The following DUOX1 variants were observed in gnomAD, a reference collection of about 807,000 sequenced individuals.
DUOX1 encodes dual oxidase 1, also known as NADPH thyroid oxidase 1.
In DUOX1, 134 loss-of-function variants were observed where a neutral mutation model predicts 181.8. The observed-to-expected ratio is 0.74, with a 90% CI of 0.64 to 0.85. The LOEUF is 0.85. DUOX1 is among the 40% of genes least tolerant of loss of function. The probability of loss-of-function intolerance (pLI) is 0.00; values close to 1 mark genes in which losing one functional copy is unlikely to be tolerated. For missense variants in DUOX1, 1,814 were observed against 2,064.4 expected (o/e 0.88, Z 2.35); for synonymous variants, 798 against 832.5 (o/e 0.96, Z 0.71).
At position 45,163,663 on chromosome 15, in the gene DUOX1, G is replaced by A. The variant is rs137906500; in HGVS notation, c.4380G>A (p.Lys1460=). ...VHIYITQLAE[K]FDLRTTMLYI... is the part of the protein sequence containing the mutation. ...TCTACATCACCCAGCTGGCTGAGAA[G>A]TTCGACCTCAGGACCACTATGCTGG... The change falls in exon 32 of 34, where the codon AAG becomes AAA. Residue 1460 remains lysine, a synonymous_variant. Coordinates refer to ENST00000389037, the MANE Select transcript of DUOX1 (RefSeq NM_175940.3). The A allele has an allele frequency of 1.5e-5, 25 of 1,614,164 alleles. No homozygotes were observed. The East Asian group carries it at 5.3e-4, about 35-fold the overall frequency.
intron 29 of DUOX1, 102 bp downstream of exon 29, chr15:45,161,092 G>A: frequency 6.5e-7 from 1 of 1,537,422 alleles, no homozygotes; most frequent in Non-Finnish European, 8.8e-7. Flanking sequence ...CAGTGGAGCT[G>A]GCAGGTGCCT....
rs183478746 is a variant in DUOX1 at position 45,135,322 on chromosome 15, G to T, written c.495+31G>T. 45 of 1,560,836 alleles carry T rather than the reference G, an allele frequency of 2.9e-5. 1 individual carries two copies. The East Asian group carries it at 1.1e-3, about 38-fold the overall frequency. On this transcript the variant is annotated intron_variant, in intron 5 of 33. Coordinates refer to ENST00000389037, the MANE Select transcript of DUOX1 (RefSeq NM_175940.3). Reference sequence around the variant, plus strand: ...GCGGGGAAGGCGGCGGGAAGGGACCGCACCCCAGCCAGGTGGGACCTGGGC... The same window carrying T: ...GCGGGGAAGGCGGCGGGAAGGGACCTCACCCCAGCCAGGTGGGACCTGGGC...
rs201986406 is a variant in DUOX1, at chr15:45,142,115, A to G, written c.1822+3A>G. 48 of 1,612,808 alleles carry G rather than the reference A, an allele frequency of 3.0e-5. No individual in the cohort carries two copies. In the East Asian group the frequency reaches 1.0e-3, roughly 35 times the overall value. On this transcript the variant is annotated splice_donor_region_variant and intron_variant, in intron 15 of 33. Transcript: ENST00000389037. Reference sequence around the variant, plus strand: ...GACCCTCTGTTGCTTCCCTTTGGGTAAAATCATGGACAGAGTGGGGTGGGG... The same window carrying G: ...GACCCTCTGTTGCTTCCCTTTGGGTGAAATCATGGACAGAGTGGGGTGGGG...
At chr15:45,162,427 C>T in intron 31 of DUOX1, 50 bp downstream of exon 31, 1 of 1,589,630 alleles carries the variant, frequency 6.3e-7, no homozygotes, top group South Asian at 1.1e-5. Flanking sequence ...TCTTCCTTGT[C>T]ATGGTACCCA....
chr15:45,164,813 CT>C lies in DUOX1; in HGVS notation c.4569del (p.Gly1524AlafsTer2), dbSNP rs1160509879. On this transcript the variant is annotated frameshift_variant, in exon 34 of 34. Coordinates refer to ENST00000389037, the MANE Select transcript of DUOX1 (RefSeq NM_175940.3). LOFTEE classifies it high-confidence loss of function. Reference sequence around the variant, plus strand: ...ATCGGGGTGTTTAGCTGTGGCCCCCCTGGCATGACCAAGAATGTGGAAAAGG... The same window carrying C: ...ATCGGGGTGTTTAGCTGTGGCCCCCCGGCATGACCAAGAATGTGGAAAAGG... ...RKIGVFSCGP[P>X]GMTKNVEKAC... 2.5e-6 allele frequency: 4 copies of C among 1,614,166 alleles called. No homozygotes were observed. The highest frequency in any genetic ancestry group is 1.1e-5 in the South Asian group (1 of 91,084).
intron 31 of DUOX1, 139 bp from the exon 32 acceptor site, chr15:45,163,393 C>G (rs1466063864): frequency 7.8e-7 from 1 of 1,275,426 alleles, no homozygotes; most frequent in Non-Finnish European, 1.1e-6. Context: ...CCCCGTGGCC[C>G]ATACACTCCA....
intron 15 of DUOX1, among the ~76,000 whole-genome samples, chr15:45,142,314 G>A (rs771006516): frequency 6.6e-6 from 1 of 152,218 alleles, no homozygotes; most frequent in African/African-American, 2.4e-5. Flanking sequence ...TTGCCTCCCT[G>A]TTTTCCTGGG....
At chr15:45,152,660 A>C in intron 25 of DUOX1, 144 bp downstream of exon 25, 1 of 818,402 alleles carries the variant, frequency 1.2e-6, no homozygotes, top group Non-Finnish European at 2.0e-6. Context: ...CAGGGTGTGA[A>C]GTAAGCCCGG....
intron 33 of DUOX1, 149 bp from the exon 34 acceptor site, chr15:45,164,630 G>A (rs1269786277): frequency 4.8e-6 from 4 of 837,620 alleles, no homozygotes; most frequent in Non-Finnish European, 7.7e-6. Context: ...CACTATGCCT[G>A]GCTAATTAAA....
In DUOX1 at chr15:45,161,917, C is replaced by T. The variant is rs758627346; in HGVS notation, c.4036C>T (p.Leu1346Phe). ...GGCAGCAGGGCCCTGGACCACTCGC[C>T]TCAGGGAGATCTACTCAGCCCCGAC... ...IRAAGPWTTR[L>F]REIYSAPTGD... The change falls in exon 30 of 34, where the codon CTC (leucine) becomes TTC (phenylalanine). Residue 1346 changes from leucine to phenylalanine, a missense_variant. By Grantham distance (22) the Leu-to-Phe change is conservative. Transcript: ENST00000389037. The T allele has an allele frequency of 1.2e-5, 20 of 1,612,974 alleles. No homozygotes were observed. The highest frequency in any genetic ancestry group is 1.7e-5 in the Non-Finnish European group (20 of 1,179,662).
At position 45,163,839 on chromosome 15, in the gene DUOX1, C is replaced by A. The variant is rs80216701; in HGVS notation, c.4454C>A (p.Thr1485Lys). The A allele has an allele frequency of 1.9e-6, 3 of 1,614,144 alleles. No individual in the cohort carries two copies. The South Asian group carries it at 3.3e-5, about 18-fold the overall frequency. ...FQKVLNRSLF[T>K]GLRSITHFGR... ...AAGGTTCTGAACCGGAGTCTATTCA[C>A]AGGCCTGCGCTCCATCACCCACTTT... Residue 1485 changes from threonine (T) to lysine (K), a missense_variant, in exon 33 of 34, where the codon ACA becomes AAA. Physicochemically the swap from Thr to Lys is moderately conservative, Grantham distance 78. This residue lies in a region of DUOX1 where 124 missense variants were observed against 125.7 expected (regional missense o/e 0.99). Transcript: ENST00000389037.
intron 12 of DUOX1, among the ~76,000 whole-genome samples, chr15:45,140,236 C>A (rs923047801): frequency 2.6e-5 from 4 of 152,150 alleles, no homozygotes; most frequent in Non-Finnish European, 4.4e-5. Flanking sequence ...TTTGCCCTTA[C>A]TATTTTATAA....
Position 45,165,091 on chromosome 15 carries a change from CT to C in DUOX1, c.*191del. ...CCCCAGGACCAGGATGTGTCTCAGC[CT>C]GGAGAAATGGTGGGGGGGCAGTGTC... is the stretch of plus-strand genomic sequence containing the variant. On this transcript the variant is annotated 3_prime_UTR_variant, in exon 34 of 34. Transcript: ENST00000389037. The C allele has an allele frequency of 3.2e-6, 2 of 622,498 alleles. No individual in the cohort carries two copies. Among genetic ancestry groups the C allele is most frequent in the Non-Finnish European group, 5.6e-6 (2 of 357,952 alleles). 38.6% of individuals were successfully genotyped at this position (622,498 alleles called of 1,614,324 possible). A position where few individuals can be genotyped will look rare whatever the true frequency, so the allele number is the denominator to read the frequency against.
In DUOX1 at chr15:45,150,568, T is replaced by A. The variant is rs1896773647; in HGVS notation, c.2819-64T>A. 4 of 1,509,744 alleles carry A rather than the reference T, an allele frequency of 2.6e-6. No individual in the cohort carries two copies. The Admixed American group carries it at 6.7e-5, about 25-fold the overall frequency. The allele number at this position is 1,509,744 out of a possible 1,614,324, so 93.5% of individuals were successfully genotyped here. A position where few individuals can be genotyped will look rare whatever the true frequency, so the allele number is the denominator to read the frequency against. ...CATGGGATGGTAGGAGTGCTGTGCG[T>A]TTGAGCCAGGTCTTCCTGGGCTCTG... On this transcript the variant is annotated intron_variant, in intron 21 of 33. Coordinates refer to ENST00000389037, the MANE Select transcript of DUOX1 (RefSeq NM_175940.3).
At chr15:45,141,932 T>C in intron 14 of DUOX1, 43 bp from the exon 15 acceptor site, 1 of 1,578,930 alleles carries the variant, frequency 6.3e-7, no homozygotes. Flanking sequence ...TGCCAGCACC[T>C]GTGGCCCAGC....
Position 45,136,400 on chromosome 15 carries a change from G to A in DUOX1, c.915G>A (p.Pro305=), listed in dbSNP as rs144786721. Residue 305 remains proline, a synonymous_variant, in exon 8 of 34, where the codon CCG becomes CCA. Coordinates refer to ENST00000389037, the MANE Select transcript of DUOX1 (RefSeq NM_175940.3). Reference sequence around the variant, plus strand: ...CCAGCTTCCTGCAGAAAACACTCCCGGAGTATACAGGTGAGGGAGCGGGGA... The same window carrying A: ...CCAGCTTCCTGCAGAAAACACTCCCAGAGTATACAGGTGAGGGAGCGGGGA... ...WLPSFLQKTL[P]EYTGYRPFLD... The A allele has an allele frequency of 9.9e-6, 16 of 1,613,988 alleles. No homozygotes were observed. Among genetic ancestry groups the A allele is most frequent in the Admixed American group, 6.7e-5 (4 of 59,996 alleles).
At chr15:45,153,018 C>T (rs1293944582) in intron 25 of DUOX1, 4 of 293,858 alleles carry the variant, frequency 1.4e-5, no homozygotes, top group East Asian at 1.6e-4. Flanking sequence ...GTCAGGAGTT[C>T]GAGACCAGCC....
At chr15:45,137,008 C>T (rs1044558174) in intron 9 of DUOX1, among the ~76,000 whole-genome samples, 1 of 151,760 alleles carries the variant, frequency 6.6e-6, no homozygotes, top group African/African-American at 2.4e-5. Flanking sequence ...AAAATGTGTG[C>T]AATCTGAAGG....
Position 45,155,658 on chromosome 15 carries a change from G to A in DUOX1, c.3575-144G>A, listed in dbSNP as rs1395794049. 11 of 1,107,046 alleles carry A rather than the reference G, an allele frequency of 9.9e-6. No homozygotes were observed. In the Middle Eastern group the frequency reaches 1.2e-3, roughly 122 times the overall value. 68.6% of individuals were successfully genotyped at this position (1,107,046 alleles called of 1,614,324 possible). On this transcript the variant is annotated intron_variant, in intron 27 of 33. Transcript: ENST00000389037. ...ATGAAAGGTACCTGTGATCAGTGGT[G>A]TTGGGGGAGAGGACCAGAGGAGAAT...
Sources: allele counts gnomAD v4.1 joint callset (sites outside exome capture counted in the v4.1 genomes callset), GRCh38; gene constraint gnomAD v4.1.1; regional missense constraint gnomAD v4.1.1; transcripts MANE v1.5; gene names NCBI Gene and HGNC (gene_info 2026-07-23, HGNC 2026-07-21).